EXT1: variants seen among roughly 807,000 people sequenced by gnomAD.
EXT1 encodes the protein exostosin glycosyltransferase 1.
Under a neutral mutation model 82.5 loss-of-function variants are expected in EXT1, and 20 were observed. The observed-to-expected ratio is 0.24, with a 90% CI of 0.17 to 0.35. The LOEUF is 0.35. Ranked by LOEUF, EXT1 falls within the 10% of genes least tolerant of loss-of-function variation. The pLI, the probability that EXT1 is intolerant of heterozygous loss-of-function variation, is 1.00. For missense variants in EXT1, 757 were observed against 936.5 expected, an observed-to-expected ratio of 0.81 and a Z score of 2.50; for synonymous variants, 348 against 350.8, an observed-to-expected ratio of 0.99 and a Z score of 0.09.
At chr8:117,806,038 C>T (rs1432337067) in intron 9 of EXT1, among the ~76,000 whole-genome samples, 2 of 152,168 alleles carry the variant, frequency 1.3e-5, no homozygotes, top group East Asian at 1.9e-4. Context: ...GGTCAAAAGA[C>T]TTGGAGTCAT....
chr8:118,061,191 C>T (rs1212663452), intron 1 of EXT1, among the ~76,000 whole-genome samples: 1 of 152,188 alleles, frequency 6.6e-6, no homozygotes, highest in East Asian at 1.9e-4. Flanking sequence ...ACACAAAACA[C>T]GTGGCTCAGT....
At chr8:117,962,566 A>C (rs111521977) in intron 1 of EXT1, among the ~76,000 whole-genome samples, 20,571 of 152,230 alleles carry the variant, frequency 0.14, 2,058 homozygotes, top group African/African-American at 0.27. Context: ...AGCCTGGCCA[A>C]CATGGTGAAA....
chr8:118,031,826 G>A (rs963119560), intron 1 of EXT1, among the ~76,000 whole-genome samples: 1 of 152,036 alleles, frequency 6.6e-6, no homozygotes, highest in African/African-American at 2.4e-5. Flanking sequence ...ACTCAGTGGT[G>A]TACTGAAGAT....
intron 1 of EXT1, among the ~76,000 whole-genome samples, chr8:118,104,298 C>A (rs577559925): frequency 6.6e-6 from 1 of 152,280 alleles, no homozygotes; most frequent in Admixed American, 6.5e-5. Context: ...TAAATAAAAA[C>A]AATTATAGGT....
intron 5 of EXT1, among the ~76,000 whole-genome samples, chr8:117,821,200 G>T (rs1363811765): frequency 6.6e-6 from 1 of 152,176 alleles, no homozygotes; most frequent in Non-Finnish European, 1.5e-5. Flanking sequence ...ATTATACAAA[G>T]GTTTTGTAGA....
chr8:118,069,454 C>A (rs1817048582), intron 1 of EXT1, among the ~76,000 whole-genome samples: 1 of 152,126 alleles, frequency 6.6e-6, no homozygotes, highest in African/African-American at 2.4e-5. Flanking sequence ...GCTAAGCACC[C>A]CCTCCCACTT....
rs908269144 is a variant in EXT1 at position 117,796,347 on chromosome 8, A to T, written c.*3365T>A. On this transcript the variant is annotated 3_prime_UTR_variant, in exon 11 of 11. Transcript: ENST00000378204. The stretch of plus-strand genomic sequence containing the variant: ...GCCCTTTAAACAGGTTTGTTCTTAA[A>T]TCAAGTGCCCTGTTTTTTTTTTTTT... 3 of 148,664 alleles carry T rather than the reference A, an allele frequency of 2.0e-5. No homozygotes were observed. 9.2% of individuals were successfully genotyped at this position (148,664 alleles called of 1,614,324 possible).
intron 1 of EXT1, among the ~76,000 whole-genome samples, chr8:117,866,577 T>C (rs1812777382): frequency 6.6e-6 from 1 of 152,048 alleles, no homozygotes; most frequent in African/African-American, 2.4e-5. Flanking sequence ...ACTGTACAGG[T>C]GTAAAGTGTG....
chr8:117,889,483 A>T (rs1813205043), intron 1 of EXT1, among the ~76,000 whole-genome samples: 1 of 152,152 alleles, frequency 6.6e-6, no homozygotes, highest in South Asian at 2.1e-4. Context: ...AAAAAGCTAG[A>T]GTTATTTCTC....
chr8:118,060,757 T>C (rs924697223), intron 1 of EXT1, among the ~76,000 whole-genome samples: 1 of 152,238 alleles, frequency 6.6e-6, no homozygotes, highest in Admixed American at 6.5e-5. Context: ...TGTATCAACA[T>C]GTCCAGGAAC....
intron 1 of EXT1, among the ~76,000 whole-genome samples, chr8:117,888,779 C>T (rs1482348704): frequency 2.0e-5 from 3 of 152,204 alleles, no homozygotes; most frequent in Admixed American, 6.5e-5. Context: ...CCAGCCCCTG[C>T]TATCATCCTT....
At position 117,799,534 on chromosome 8, in the gene EXT1, G is replaced by A; in HGVS notation, c.*178C>T. ...GGTGAGTTTGGAGCAGTCTGGTGCA[G>A]TCCCAGGAGCCAGGAGTTGAGTTCT... On this transcript the variant is annotated 3_prime_UTR_variant, in exon 11 of 11. Coordinates refer to ENST00000378204, the MANE Select transcript of EXT1 (RefSeq NM_000127.3). The A allele has an allele frequency of 3.0e-6, 2 of 674,650 alleles. No individual in the cohort carries two copies. Among genetic ancestry groups the A allele is most frequent in the Non-Finnish European group, 5.1e-6 (2 of 393,520 alleles). 41.8% of individuals were successfully genotyped at this position (674,650 alleles called of 1,614,324 possible).
At chr8:117,885,111 T>C (rs1813124399) in intron 1 of EXT1, among the ~76,000 whole-genome samples, 1 of 152,012 alleles carries the variant, frequency 6.6e-6, no homozygotes, top group Non-Finnish European at 1.5e-5. Context: ...GGTGAGAAAA[T>C]GGTGTCAAGG....
intron 1 of EXT1, among the ~76,000 whole-genome samples, chr8:117,940,843 A>G (rs1814258200): frequency 1.3e-5 from 2 of 152,312 alleles, no homozygotes; most frequent in African/African-American, 4.8e-5. Context: ...TGGTCAGTGC[A>G]GTCACCCCTA....
At chr8:118,106,484 T>C (rs1222362820) in intron 1 of EXT1, among the ~76,000 whole-genome samples, 1 of 152,206 alleles carries the variant, frequency 6.6e-6, no homozygotes, top group Non-Finnish European at 1.5e-5. Flanking sequence ...TCCAAGACCC[T>C]TGAAGATACC....
intron 1 of EXT1, among the ~76,000 whole-genome samples, chr8:117,955,658 C>T (rs576998125): frequency 2.6e-5 from 4 of 152,088 alleles, no homozygotes; most frequent in Non-Finnish European, 4.4e-5. Flanking sequence ...CGGGTTCAAG[C>T]GATTCTCATG....
intron 1 of EXT1, among the ~76,000 whole-genome samples, chr8:118,107,535 G>A (rs1162501105): frequency 6.6e-6 from 1 of 152,204 alleles, no homozygotes; most frequent in South Asian, 2.1e-4. Context: ...AGAGAGACTG[G>A]CATATCTTGA....
intron 1 of EXT1, among the ~76,000 whole-genome samples, chr8:118,026,339 T>C (rs1016689246): frequency 1.3e-5 from 2 of 152,240 alleles, no homozygotes; most frequent in East Asian, 3.8e-4. Flanking sequence ...TTTTTATTTA[T>C]GCAAAGTTTG....
At chr8:118,010,371 CA>C (rs56865464) in intron 1 of EXT1, among the ~76,000 whole-genome samples, 1,780 of 55,990 alleles carry the variant, frequency 0.032, 31 homozygotes, top group African/African-American at 0.075. Context: ...GACTCCGTCT[CA>C]AAAAAAAAAA....
Sources: allele counts gnomAD v4.1 joint callset (sites outside exome capture counted in the v4.1 genomes callset), GRCh38; gene constraint gnomAD v4.1.1; transcripts MANE v1.5; gene names NCBI Gene and HGNC (gene_info 2026-07-23, HGNC 2026-07-21).